Variants in GLIS3 observed in about 807,000 individuals in gnomAD.
The protein encoded by GLIS3 is zinc finger protein GLIS3.
A neutral mutation model predicts 78.6 loss-of-function variants in GLIS3; 53 were observed. The ratio of observed to expected loss-of-function variants is 0.67; its 90% CI spans 0.54 to 0.85. The LOEUF (loss-of-function observed/expected upper bound fraction) is 0.85. GLIS3 is among the 40% of genes least tolerant of loss of function. GLIS3 has a pLI of 0.00. For missense variants in GLIS3, 1,703 were observed against 1,231.1 expected, an observed-to-expected ratio of 1.38 and a Z score of -5.74; for synonymous variants, 684 against 509.9, an observed-to-expected ratio of 1.34 and a Z score of -4.60.
the GLIS3 span, among the ~76,000 whole-genome samples, chr9:4,466,957 T>C: frequency 6.6e-6 from 1 of 152,246 alleles, no homozygotes; most frequent in African/African-American, 2.4e-5. Context: ...TCCAACAGTC[T>C]TAGCAAATGG....
intron 2 of GLIS3, among the ~76,000 whole-genome samples, chr9:4,173,930 A>G (rs765903536): frequency 4.5e-4 from 38 of 85,366 alleles, no homozygotes; most frequent in Non-Finnish European, 5.6e-4. Context: ...ACACACACAC[A>G]CACGCACGCA....
intron 2 of GLIS3, among the ~76,000 whole-genome samples, chr9:4,217,067 T>G (rs1031595093): frequency 6.6e-5 from 10 of 152,164 alleles, no homozygotes; most frequent in Non-Finnish European, 1.3e-4. Context: ...TAACTCCAGT[T>G]TGTATTTGTC....
chr9:4,419,209 A>C, the GLIS3 span, among the ~76,000 whole-genome samples: 1 of 152,120 alleles, frequency 6.6e-6, no homozygotes, highest in African/African-American at 2.4e-5. Context: ...AGGGAGAAAG[A>C]CTCCACTAGG....
At chr9:4,408,062 GGAGATATCGTAT>G in the GLIS3 span, among the ~76,000 whole-genome samples, 7 of 152,076 alleles carry the variant, frequency 4.6e-5, no homozygotes, top group Admixed American at 1.3e-4. Context: ...AAAACCACAA[GGAGATATCGTAT>G]GACCCCAGTT....
chr9:3,825,303 C>T lies in GLIS3; in HGVS notation c.*2969G>A, dbSNP rs1201359189. On this transcript the variant is annotated 3_prime_UTR_variant, in exon 11 of 11. Transcript: ENST00000381971. ...GCGACATGGGTAATGGGAGATACCC[C>T]ACAGGACCTGTAAATATTTAAATAA... The T allele has an allele frequency of 1.3e-5, 2 of 152,158 alleles. No individual in the cohort carries two copies. The highest frequency in any genetic ancestry group is 2.4e-5 in the African/African-American group (1 of 41,500). 9.4% of individuals were successfully genotyped at this position (152,158 alleles called of 1,614,324 possible). A position where few individuals can be genotyped will look rare whatever the true frequency, so the allele number is the denominator to read the frequency against.
chr9:3,871,980 G>C (rs760670037), intron 8 of GLIS3, among the ~76,000 whole-genome samples: 2 of 152,154 alleles, frequency 1.3e-5, no homozygotes, highest in Non-Finnish European at 2.9e-5. Context: ...CAGCACCCAA[G>C]TCACTTCCTG....
At chr9:4,346,419 T>C (rs115161069) in intron 2 of GLIS3, among the ~76,000 whole-genome samples, 1,634 of 152,256 alleles carry the variant, frequency 0.011, 32 homozygotes, top group African/African-American at 0.037. Flanking sequence ...TTAAAACTCA[T>C]TGATTAAAAG....
chr9:4,158,268 T>G (rs542345613), intron 2 of GLIS3, among the ~76,000 whole-genome samples: 1 of 152,340 alleles, frequency 6.6e-6, no homozygotes, highest in East Asian at 1.9e-4. Context: ...TTAGCAACTT[T>G]CTGTAGCATG....
At chr9:4,413,949 A>G in the GLIS3 span, among the ~76,000 whole-genome samples, 3 of 152,178 alleles carry the variant, frequency 2.0e-5, no homozygotes, top group South Asian at 6.2e-4. Context: ...CAAGGTTATC[A>G]TATGCATTTA....
chr9:4,483,295 G>T, the GLIS3 span, among the ~76,000 whole-genome samples: 1 of 152,178 alleles, frequency 6.6e-6, no homozygotes, highest in Non-Finnish European at 1.5e-5. Context: ...AGTGCCCAAT[G>T]GAGCACAGCA....
the GLIS3 span, among the ~76,000 whole-genome samples, chr9:4,468,387 A>C: frequency 6.6e-6 from 1 of 152,244 alleles, no homozygotes; most frequent in Non-Finnish European, 1.5e-5. Context: ...GCCAGAGAGT[A>C]AGGTTGGGTT....
intron 4 of GLIS3, among the ~76,000 whole-genome samples, chr9:3,945,617 G>T (rs1816240343): frequency 6.6e-6 from 1 of 152,124 alleles, no homozygotes; most frequent in South Asian, 2.1e-4. Context: ...AAATGAGATG[G>T]CTACTGGGGA....
the GLIS3 span, among the ~76,000 whole-genome samples, chr9:4,440,746 G>A: frequency 6.6e-6 from 1 of 152,244 alleles, no homozygotes; most frequent in Non-Finnish European, 1.5e-5. Flanking sequence ...GATCACTTCA[G>A]GTAATATGGA....
At chr9:3,905,042 G>T (rs1397529905) in intron 6 of GLIS3, among the ~76,000 whole-genome samples, 1 of 150,472 alleles carries the variant, frequency 6.6e-6, no homozygotes, top group South Asian at 2.1e-4. Flanking sequence ...GCGCGATCTC[G>T]GCTCACTGCA....
chr9:3,914,781 G>C (rs1464830461), intron 6 of GLIS3, among the ~76,000 whole-genome samples: 2 of 152,124 alleles, frequency 1.3e-5, no homozygotes, highest in Admixed American at 6.5e-5. Context: ...GCCAAGATGA[G>C]AACCTTCATC....
At chr9:4,313,170 A>C (rs1246585621) in intron 2 of GLIS3, among the ~76,000 whole-genome samples, 1 of 152,166 alleles carries the variant, frequency 6.6e-6, no homozygotes, top group Non-Finnish European at 1.5e-5. Context: ...GGACATACAG[A>C]ATGCCTGGCA....
chr9:3,838,955 G>A (rs910974812), intron 9 of GLIS3, among the ~76,000 whole-genome samples: 2 of 152,132 alleles, frequency 1.3e-5, no homozygotes, highest in Non-Finnish European at 2.9e-5. Context: ...GAGGGCATAA[G>A]AATATAGTCT....
chr9:3,945,799 T>A (rs1422344540), intron 4 of GLIS3, among the ~76,000 whole-genome samples: 1 of 151,824 alleles, frequency 6.6e-6, no homozygotes, highest in African/African-American at 2.4e-5. Flanking sequence ...GGCAACTAAT[T>A]AAGCAAAACA....
intron 2 of GLIS3, among the ~76,000 whole-genome samples, chr9:4,176,106 G>T (rs920091371): frequency 1.3e-5 from 2 of 152,068 alleles, no homozygotes; most frequent in Admixed American, 6.5e-5. Flanking sequence ...TGAAAGGCAG[G>T]CTCTAGCCCC....
Sources: allele counts gnomAD v4.1 joint callset (sites outside exome capture counted in the v4.1 genomes callset), GRCh38; gene constraint gnomAD v4.1.1; transcripts MANE v1.5; gene names NCBI Gene and HGNC (gene_info 2026-07-23, HGNC 2026-07-21).